Variants in RBMS1 observed in about 807,000 individuals in gnomAD.
The protein encoded by RBMS1 is RNA-binding motif, single-stranded-interacting protein 1.
A neutral mutation model predicts 62.3 loss-of-function variants in RBMS1; 17 were observed. That is an observed-to-expected ratio of 0.27 (90% CI 0.19 to 0.41). The LOEUF is 0.41. RBMS1 is among the 10% of genes least tolerant of loss of function. The pLI, the probability that RBMS1 is intolerant of heterozygous loss-of-function variation, is 1.00. For synonymous variants in RBMS1, 172 were observed against 170.0 expected (o/e 1.01, Z -0.09); for missense variants, 334 against 504.5 (o/e 0.66, Z 3.24).
chr2:160,399,954 G>C (rs953047927), intron 1 of RBMS1, among the ~76,000 whole-genome samples: 6 of 152,216 alleles, frequency 3.9e-5, no homozygotes, highest in African/African-American at 1.4e-4. Context: ...ATTTTGCAAA[G>C]TGATACATCA....
intron 1 of RBMS1, among the ~76,000 whole-genome samples, chr2:160,382,119 A>G (rs939114077): frequency 2.0e-5 from 3 of 152,214 alleles, no homozygotes; most frequent in African/African-American, 7.2e-5. Flanking sequence ...AACATAGATT[A>G]ACATTATGTT....
In RBMS1 at chr2:160,295,020, GAAAA is replaced by G. The variant is rs80278281; in HGVS notation, c.640+5627_640+5630del. ...AATTCTGAAGTCACCATGTATACAA[GAAAA>G]AAAAAAAAAAGAAAAAAGAAGTCTA... is the stretch of plus-strand genomic sequence containing the variant. On this transcript the variant is annotated intron_variant, in intron 6 of 13. Transcript: ENST00000348849. 1.3e-4 allele frequency among the ~76,000 whole-genome samples: 16 copies of G among 120,264 alleles called. No homozygotes were observed. In the South Asian group the frequency reaches 4.2e-3, roughly 32 times the overall value. 78.9% of individuals were successfully genotyped at this position (120,264 alleles called of 152,430 possible).
intron 1 of RBMS1, among the ~76,000 whole-genome samples, chr2:160,408,874 A>G (rs1373530690): frequency 6.6e-6 from 1 of 152,172 alleles, no homozygotes; most frequent in East Asian, 1.9e-4. Context: ...CATCCTTCAC[A>G]TTGGCCTGTT....
Position 160,345,966 on chromosome 2 carries a change from G to A in RBMS1, c.251+21250C>T, listed in dbSNP as rs376341035. ...CAATGGCTGTTCAGAGTGAAGGAGC[G>A]TTAGTAACTTCACTTTTCACTTCCC... On this transcript the variant is annotated intron_variant, in intron 2 of 13. Coordinates refer to ENST00000348849, the MANE Select transcript of RBMS1 (RefSeq NM_016836.4). Among the ~76,000 whole-genome samples the A allele has an allele frequency of 1.8e-3, 278 of 152,192 alleles. 2 individuals carry two copies. Among genetic ancestry groups the A allele is most frequent in the South Asian group, 6.4e-3 (31 of 4,826 alleles).
At chr2:160,366,730 T>A (rs1389422614) in intron 2 of RBMS1, among the ~76,000 whole-genome samples, 1 of 152,156 alleles carries the variant, frequency 6.6e-6, no homozygotes, top group Non-Finnish European at 1.5e-5. Context: ...GGGTGTACAA[T>A]CCAGACCACA....
chr2:160,453,495 T>TA (rs1684086107), intron 1 of RBMS1, among the ~76,000 whole-genome samples: 1 of 152,178 alleles, frequency 6.6e-6, no homozygotes, highest in Admixed American at 6.5e-5. Flanking sequence ...TTTCATAATT[T>TA]AAAAAAAGAA....
At chr2:160,356,742 C>T (rs1692823211) in intron 2 of RBMS1, among the ~76,000 whole-genome samples, 1 of 152,124 alleles carries the variant, frequency 6.6e-6, no homozygotes, top group South Asian at 2.1e-4. Flanking sequence ...AACTTCTTTC[C>T]TTTATAAATT....
rs1444137342 is a variant in RBMS1, at chr2:160,493,476, G to T, written c.-113C>A. On this transcript the variant is annotated 5_prime_UTR_variant, in exon 1 of 14. Transcript: ENST00000348849. ...CGGCGGCAGCGGCGGCGGCGGCGGC[G>T]GCTGCTGCTGCTGCCGCTGCTCCAC... 1.8e-4 allele frequency: 157 copies of T among 872,750 alleles called. No individual in the cohort carries two copies. Among genetic ancestry groups the T allele is most frequent in the Middle Eastern group, 2.5e-4 (1 of 4,042 alleles). 54.1% of individuals were successfully genotyped at this position (872,750 alleles called of 1,614,324 possible).
chr2:160,439,233 A>T lies in RBMS1; in HGVS notation c.75+54056T>A, dbSNP rs953903518. On this transcript the variant is annotated intron_variant, in intron 1 of 13. Coordinates refer to ENST00000348849, the MANE Select transcript of RBMS1 (RefSeq NM_016836.4). ...CCCTCTCGGACGAGGTGGCTGCCGG[A>T]CGGAGACGCTCCTCACTTCCCAGAC... Among the ~76,000 whole-genome samples the T allele has an allele frequency of 2.6e-4, 39 of 149,816 alleles. 1 individual carries two copies. Among genetic ancestry groups the T allele is most frequent in the Non-Finnish European group, 4.7e-4 (32 of 67,592 alleles).
chr2:160,438,722 T>C (rs2105297780), intron 1 of RBMS1, among the ~76,000 whole-genome samples: 1 of 152,370 alleles, frequency 6.6e-6, no homozygotes, highest in East Asian at 1.9e-4. Context: ...CCCCCCTTTC[T>C]ATTCCACAAA....
At chr2:160,374,215 A>C (rs1483598205) in intron 1 of RBMS1, among the ~76,000 whole-genome samples, 1 of 152,212 alleles carries the variant, frequency 6.6e-6, no homozygotes, top group Admixed American at 6.5e-5. Flanking sequence ...TGATTGTGCC[A>C]CTGCACTCCA....
intron 2 of RBMS1, among the ~76,000 whole-genome samples, chr2:160,318,870 C>G (rs765000801): frequency 1.3e-5 from 2 of 152,182 alleles, no homozygotes; most frequent in Non-Finnish European, 2.9e-5. Context: ...AGTAAACTCA[C>G]TTTGTGTGCA....
chr2:160,438,392 C>CA (rs1265824680), intron 1 of RBMS1, among the ~76,000 whole-genome samples: 3 of 151,744 alleles, frequency 2.0e-5, no homozygotes, highest in African/African-American at 7.2e-5. Flanking sequence ...TTTTCCTAGG[C>CA]AGAGGACCCT....
At chr2:160,480,982 G>T (rs1359174482) in intron 1 of RBMS1, among the ~76,000 whole-genome samples, 1 of 151,194 alleles carries the variant, frequency 6.6e-6, no homozygotes, top group Non-Finnish European at 1.5e-5. Context: ...TCAAGAGGCT[G>T]AGGCATGAGA....
At chr2:160,386,202 GT>G (rs1403040514) in intron 1 of RBMS1, among the ~76,000 whole-genome samples, 5 of 152,146 alleles carry the variant, frequency 3.3e-5, no homozygotes, top group African/African-American at 1.2e-4. Context: ...TCCTCCTAAA[GT>G]TCATTTGTTG....
intron 1 of RBMS1, among the ~76,000 whole-genome samples, chr2:160,411,057 T>C (rs1267230630): frequency 6.6e-6 from 1 of 152,204 alleles, no homozygotes; most frequent in Non-Finnish European, 1.5e-5. Flanking sequence ...TCATCCTCTT[T>C]CAAGGGAAAC....
intron 2 of RBMS1, among the ~76,000 whole-genome samples, chr2:160,342,305 A>AT (rs1691913913): frequency 6.6e-6 from 1 of 152,174 alleles, no homozygotes; most frequent in Non-Finnish European, 1.5e-5. Context: ...TTTAAAAGCC[A>AT]TTATATTTAT....
intron 1 of RBMS1, among the ~76,000 whole-genome samples, chr2:160,420,534 T>A: frequency 6.6e-6 from 1 of 152,168 alleles, no homozygotes; most frequent in Non-Finnish European, 1.5e-5. Flanking sequence ...TGGCCAAGAT[T>A]TAGCACATAC....
At chr2:160,344,165 C>T (rs1192178497) in intron 2 of RBMS1, among the ~76,000 whole-genome samples, 1 of 152,012 alleles carries the variant, frequency 6.6e-6, no homozygotes, top group Admixed American at 6.6e-5. Context: ...AAGATGAAAT[C>T]GGTAAAACAA....
Sources: allele counts gnomAD v4.1 joint callset (sites outside exome capture counted in the v4.1 genomes callset), GRCh38; gene constraint gnomAD v4.1.1; transcripts MANE v1.5; gene names NCBI Gene and HGNC (gene_info 2026-07-23, HGNC 2026-07-21).